ALG13: variants seen among roughly 807,000 people sequenced by gnomAD.
ALG13 encodes the protein UDP-N-acetylglucosamine transferase subunit ALG13.
A neutral mutation model predicts 87.8 loss-of-function variants in ALG13; 11 were observed. The observed-to-expected ratio is 0.13, with a 90% confidence interval of 0.08 to 0.21. The LOEUF (loss-of-function observed/expected upper bound fraction) is 0.21. Ranked by LOEUF, ALG13 falls within the 10% of genes least tolerant of loss-of-function variation. The pLI, the probability that ALG13 is intolerant of heterozygous loss-of-function variation, is 1.00. For synonymous variants in ALG13, 320 were observed against 306.3 expected, an observed-to-expected ratio of 1.04 and a Z score of -0.47; for missense variants, 756 against 866.1, an observed-to-expected ratio of 0.87 and a Z score of 1.60.
Position 111,690,344 on chromosome X carries a change from C to T in ALG13, c.383+5241C>T, listed in dbSNP as rs779293733. 6 of 749,765 alleles carry T rather than the reference C, an allele frequency of 8.0e-6. No individual in the cohort carries two copies. In the African/African-American group the frequency reaches 1.4e-4, roughly 17 times the overall value. The allele number at this position is 749,765 out of a possible 1,213,427, so 61.8% of individuals were successfully genotyped here. A position where few individuals can be genotyped will look rare whatever the true frequency, so the allele number is the denominator to read the frequency against. ...AGAGTTTAGCATTGGGAAATTTGCA[C>T]CATGGATAGATTAAGAGGTAGACAG... is the stretch of plus-strand genomic sequence containing the variant. On this transcript the variant is annotated intron_variant, in intron 3 of 26. Transcript: ENST00000394780.
At chrX:111,688,038 A>G in intron 3 of ALG13, 5 of 1,082,088 alleles carry the variant, frequency 4.6e-6, no homozygotes, top group Non-Finnish European at 6.0e-6. Context: ...CAACCCCCAA[A>G]TTCAACCTAT....
chrX:111,757,435 A>G (rs1945358919), intron 25 of ALG13, 153 bp from the exon 26 acceptor site: 3 of 389,768 alleles, frequency 7.7e-6, no homozygotes, highest in Non-Finnish European at 1.3e-5. Context: ...ACAGACTGTC[A>G]AGTTTTTAGG....
intron 14 of ALG13, 98 bp from the exon 15 acceptor site, chrX:111,724,836 A>G: frequency 1.1e-6 from 1 of 933,837 alleles, no homozygotes; most frequent in Non-Finnish European, 1.5e-6. Flanking sequence ...CCAGGTTTTA[A>G]TAGAATACAC....
At chrX:111,715,902 A>C (rs1940520178) in intron 8 of ALG13, among the ~76,000 whole-genome samples, 1 of 111,908 alleles carries the variant, frequency 8.9e-6, no homozygotes, top group Admixed American at 9.5e-5. Flanking sequence ...AAGTGTATTC[A>C]GCTGAAATCG....
intron 3 of ALG13, among the ~76,000 whole-genome samples, chrX:111,704,553 C>T (rs1177358040): frequency 4.5e-5 from 5 of 111,697 alleles, no homozygotes; most frequent in Non-Finnish European, 7.5e-5. Context: ...CTTTGAAAAC[C>T]TTATGCTAAG....
At chrX:111,735,030 A>G in intron 21 of ALG13, 21 bp from the exon 22 acceptor site, 3 of 1,027,638 alleles carry the variant, frequency 2.9e-6, no homozygotes, top group Non-Finnish European at 4.1e-6. Flanking sequence ...TTTTTTATTT[A>G]ACTATATTTT....
chrX:111,717,227 G>GAA (rs965231757), intron 8 of ALG13, among the ~76,000 whole-genome samples: 1 of 108,809 alleles, frequency 9.2e-6, no homozygotes, highest in African/African-American at 3.3e-5. Context: ...ATTGTTTTGG[G>GAA]AAAAAAAAAC....
At position 111,700,659 on chromosome X, in the gene ALG13, C is replaced by T. The variant is rs1375754964; in HGVS notation, c.384-7368C>T. Among the ~76,000 whole-genome samples the T allele has an allele frequency of 4.7e-5, 5 of 105,789 alleles. 1 individual carries two copies. The highest frequency in any genetic ancestry group is 3.1e-4 in the Admixed American group (3 of 9,786). 91.9% of individuals were successfully genotyped at this position (105,789 alleles called of 115,157 possible). ...TGGCGTGATCTCGGCTCACTGCAAT[C>T]TCCGCCTCCCAGGTTCAAACGATTC... On this transcript the variant is annotated intron_variant, in intron 3 of 26. Transcript: ENST00000394780.
intron 3 of ALG13, among the ~76,000 whole-genome samples, chrX:111,701,691 C>A (rs1937904161): frequency 9.0e-6 from 1 of 111,102 alleles, no homozygotes; most frequent in Admixed American, 9.5e-5. Context: ...TTTATTTATG[C>A]TCTGATCTTT....
chrX:111,708,391 C>A lies in ALG13; in HGVS notation c.748C>A (p.Gln250Lys). Residue 250 changes from glutamine to lysine, a missense_variant and splice_region_variant, in exon 4 of 27, where the codon CAG (glutamine) becomes AAG (lysine). Physicochemically the swap from Gln to Lys is moderately conservative, Grantham distance 53. Coordinates refer to ENST00000394780, the MANE Select transcript of ALG13 (RefSeq NM_001099922.3). ...ASCLFRAISE[Q>K]LFCSQVHHLE... Reference sequence around the variant, plus strand: ...TTGCCTCTTTCGGGCCATTTCGGAGCAGGTAAAAGGAAAACATATCTTCCC... The same window carrying A: ...TTGCCTCTTTCGGGCCATTTCGGAGAAGGTAAAAGGAAAACATATCTTCCC... The A allele has an allele frequency of 1.7e-6, 2 of 1,206,953 alleles. No homozygotes were observed. Among genetic ancestry groups the A allele is most frequent in the South Asian group, 1.8e-5 (1 of 55,863 alleles).
intron 3 of ALG13, among the ~76,000 whole-genome samples, chrX:111,687,157 C>T (rs1481358823): frequency 8.9e-6 from 1 of 111,764 alleles, no homozygotes. Flanking sequence ...GTTGGTCAGG[C>T]TGATCTCAAA....
intron 21 of ALG13, among the ~76,000 whole-genome samples, chrX:111,732,061 G>A (rs768839389): frequency 9.0e-6 from 1 of 111,695 alleles, no homozygotes; most frequent in African/African-American, 3.3e-5. Flanking sequence ...GTTTAGGGTT[G>A]AAACAGTTGT....
At chrX:111,689,393 TAAAG>T (rs1935718833) in intron 3 of ALG13, 1 of 753,437 alleles carries the variant, frequency 1.3e-6, no homozygotes. Flanking sequence ...GATGAAGAAT[TAAAG>T]AGAAACAAAT....
At chrX:111,697,658 A>G (rs1000390181) in intron 3 of ALG13, among the ~76,000 whole-genome samples, 1 of 112,413 alleles carries the variant, frequency 8.9e-6, no homozygotes, top group East Asian at 2.8e-4. Flanking sequence ...AAAGTCTAGA[A>G]TCGACCCACA....
At chrX:111,689,989 T>C in intron 3 of ALG13, 1 of 751,671 alleles carries the variant, frequency 1.3e-6, no homozygotes, top group East Asian at 1.5e-4. Context: ...TTTAGGAAAA[T>C]GCTCTGGGTA....
chrX:111,731,992 G>A (rs1241270141), intron 21 of ALG13, among the ~76,000 whole-genome samples: 1 of 111,426 alleles, frequency 9.0e-6, no homozygotes, highest in African/African-American at 3.3e-5. Flanking sequence ...TTCTTGCTGC[G>A]AGGTCGAGTT....
chrX:111,724,514 C>T (rs1050232801), intron 14 of ALG13, among the ~76,000 whole-genome samples: 2 of 112,042 alleles, frequency 1.8e-5, no homozygotes, highest in African/African-American at 6.5e-5. Flanking sequence ...AAATGGGATC[C>T]GGTTCAACAG....
chrX:111,684,784 G>A (rs1289301255), intron 2 of ALG13, among the ~76,000 whole-genome samples, 181 bp from the exon 3 acceptor site: 2 of 112,345 alleles, frequency 1.8e-5, no homozygotes, highest in Non-Finnish European at 3.8e-5. Flanking sequence ...AAAGTTTCTA[G>A]CACTTTTTAT....
Position 111,708,057 on chromosome X carries a change from C to T in ALG13, c.414C>T (p.Ser138=), listed in dbSNP as rs1939094690. 8.3e-7 allele frequency: 1 copy of T among 1,210,112 alleles called. No individual in the cohort carries two copies. The change falls in exon 4 of 27, where the codon TCC becomes TCT. Residue 138 remains serine, a synonymous_variant. Coordinates refer to ENST00000394780, the MANE Select transcript of ALG13 (RefSeq NM_001099922.3). Reference sequence around the variant, plus strand: ...TGACTTGTCCTGGGCAAGCCAAGTCCATTGCTTCTGCTCCTGGGAAGTGCC... The same window carrying T: ...TGACTTGTCCTGGGCAAGCCAAGTCTATTGCTTCTGCTCCTGGGAAGTGCC... The part of the protein sequence containing the change: ...RVLTCPGQAK[S]IASAPGKCQD...
Sources: allele counts gnomAD v4.1 joint callset (sites outside exome capture counted in the v4.1 genomes callset), GRCh38; gene constraint gnomAD v4.1.1; transcripts MANE v1.5; gene names NCBI Gene and HGNC (gene_info 2026-07-23, HGNC 2026-07-21).